PLEKHA5: variants seen among roughly 807,000 people sequenced by gnomAD.
PLEKHA5 encodes the protein pleckstrin homology domain containing A5, also known as pleckstrin homology domain-containing family A member 5.
Under a neutral mutation model 181.9 loss-of-function variants are expected in PLEKHA5, and 55 were observed. The observed-to-expected ratio is 0.30, with a 90% CI of 0.24 to 0.38. The LOEUF is 0.38. Among genes scored for constraint, PLEKHA5 ranks in the 10% least tolerant of loss-of-function variants. The pLI, the probability that PLEKHA5 is intolerant of heterozygous loss-of-function variation, is 1.00. For synonymous variants in PLEKHA5, 535 were observed against 529.4 expected (o/e 1.01, Z -0.15); for missense variants, 1,432 against 1,549.5 (o/e 0.92, Z 1.27).
chr12:19,372,328 T>C (rs1005700688), intron 31 of PLEKHA5: 1 of 152,168 alleles, frequency 6.6e-6, no homozygotes, highest in Non-Finnish European at 1.5e-5. Flanking sequence ...AGGCATCTCA[T>C]TGTTGTGTAC....
intron 15 of PLEKHA5, among the ~76,000 whole-genome samples, chr12:19,305,512 G>A (rs1471555710): frequency 1.4e-5 from 2 of 146,070 alleles, no homozygotes; most frequent in Non-Finnish European, 3.0e-5. Flanking sequence ...AGTGAGCCAA[G>A]ATGGCACTGC....
intron 3 of PLEKHA5, among the ~76,000 whole-genome samples, chr12:19,225,998 T>C (rs1431043908): frequency 6.6e-6 from 1 of 152,210 alleles, no homozygotes; most frequent in Admixed American, 6.5e-5. Flanking sequence ...TAATGCTACG[T>C]TAGTTATTTT....
Position 19,285,169 on chromosome 12 carries a change from C to T in PLEKHA5, c.1779+1424C>T, listed in dbSNP as rs1278506356. On this transcript the variant is annotated intron_variant, in intron 12 of 31. Transcript: ENST00000429027. ...TCCATCGTAACAAAGTTCAGTGTTT[C>T]CTCACTTTTTCCAAAGACTAAATCA... 3.3e-5 allele frequency among the ~76,000 whole-genome samples: 5 copies of T among 152,232 alleles called. No individual in the cohort carries two copies. The South Asian group carries it at 8.3e-4, about 25-fold the overall frequency.
rs200252155 is a variant in PLEKHA5 at position 19,293,198 on chromosome 12, A to C, written c.2037+1501A>C. 1.3e-4 allele frequency among the ~76,000 whole-genome samples: 20 copies of C among 152,330 alleles called. No individual in the cohort carries two copies. The East Asian group carries it at 3.7e-3, about 28-fold the overall frequency. On this transcript the variant is annotated intron_variant, in intron 15 of 31. Coordinates refer to ENST00000429027, the MANE Select transcript of PLEKHA5 (RefSeq NM_001256470.2). Reference sequence around the variant, plus strand: ...TATTTATATTTGCCTGTTTGAAACAAAACAGTAATGTGCTACTTTAAATTA... The same window carrying C: ...TATTTATATTTGCCTGTTTGAAACACAACAGTAATGTGCTACTTTAAATTA...
intron 3 of PLEKHA5, chr12:19,147,062 G>A (rs964045266): frequency 6.6e-6 from 1 of 152,112 alleles, no homozygotes; most frequent in Non-Finnish European, 1.5e-5. Flanking sequence ...TGCCATTGGG[G>A]TTCTAAGAGA....
intron 3 of PLEKHA5, among the ~76,000 whole-genome samples, chr12:19,134,081 T>A (rs1259755094): frequency 6.6e-6 from 1 of 152,068 alleles, no homozygotes; most frequent in Non-Finnish European, 1.5e-5. Flanking sequence ...TTTGCGTGCA[T>A]TCTTGGATGA....
intron 3 of PLEKHA5, chr12:19,176,163 T>A (rs185083546): frequency 6.6e-6 from 1 of 151,020 alleles, no homozygotes; most frequent in Admixed American, 6.6e-5. Flanking sequence ...TTGGAGGGAG[T>A]TCTCCAGACA....
chr12:19,325,477 CAGG>C (rs1481142129), intron 20 of PLEKHA5, among the ~76,000 whole-genome samples: 2 of 151,090 alleles, frequency 1.3e-5, no homozygotes, highest in Non-Finnish European at 2.9e-5. Flanking sequence ...ATCACAAGGT[CAGG>C]AGTTCGAGAC....
chr12:19,203,970 G>A lies in PLEKHA5; in HGVS notation c.228-49970G>A, dbSNP rs1026177098. Among the ~76,000 whole-genome samples, 8 of 152,086 alleles carry A rather than the reference G, an allele frequency of 5.3e-5. No individual in the cohort carries two copies. The South Asian group carries it at 1.5e-3, about 28-fold the overall frequency. On this transcript the variant is annotated intron_variant, in intron 3 of 31. Transcript: ENST00000429027. ...GAACTACCGCACCCCCATACATACA[G>A]TACTTAGAGACACAAAACATATGCG...
At chr12:19,291,618 C>T (rs753706628) in intron 14 of PLEKHA5, 26 bp from the exon 15 acceptor site, 70 of 1,411,212 alleles carry the variant, frequency 5.0e-5, no homozygotes, top group Admixed American at 6.3e-5. Flanking sequence ...TTCTCTGTCC[C>T]TTTTTTCTTA....
At chr12:19,193,046 A>G (rs543407409) in intron 3 of PLEKHA5, among the ~76,000 whole-genome samples, 34 of 152,302 alleles carry the variant, frequency 2.2e-4, no homozygotes, top group African/African-American at 7.5e-4. Context: ...AATATTTACT[A>G]TCTGGTCCTG....
intron 21 of PLEKHA5, among the ~76,000 whole-genome samples, chr12:19,340,846 A>C (rs904969342): frequency 2.7e-5 from 4 of 150,478 alleles, no homozygotes; most frequent in African/African-American, 9.8e-5. Context: ...GCCTAGGAAA[A>C]CCAGAGACCT....
intron 29 of PLEKHA5, among the ~76,000 whole-genome samples, 195 bp from the exon 30 acceptor site, chr12:19,365,769 A>C (rs1048665121): frequency 6.6e-6 from 1 of 152,206 alleles, no homozygotes; most frequent in African/African-American, 2.4e-5. Context: ...CAAACCAAGT[A>C]ATTATTGAAA....
rs141596937 is a variant in PLEKHA5 at position 19,298,959 on chromosome 12, A to G, written c.2037+7262A>G. ...TGAGGCCGAGTCTCCTCTACAGGCT[A>G]TGGCTGGGACAGCCTGACACCAGTC... On this transcript the variant is annotated intron_variant, in intron 15 of 31. Transcript: ENST00000429027. Among the ~76,000 whole-genome samples, 995 of 152,340 alleles carry G rather than the reference A, an allele frequency of 6.5e-3. 7 individuals carry two copies. The highest frequency in any genetic ancestry group is 0.011 in the Non-Finnish European group (727 of 68,034).
intron 20 of PLEKHA5, among the ~76,000 whole-genome samples, chr12:19,328,558 AGTGTGTGTGTGTGTGTGTGTGT>A: frequency 7.1e-6 from 1 of 141,798 alleles, no homozygotes; most frequent in South Asian, 2.4e-4. Context: ...CTTTCCTAGG[AGTGTGTGTGTGTGTGTGTGTGT>A]GTGTGTGTGT....
intron 21 of PLEKHA5, 74 bp downstream of exon 21, chr12:19,336,690 T>G (rs2093451346): frequency 2.5e-6 from 2 of 787,854 alleles, no homozygotes; most frequent in African/African-American, 3.5e-5. Flanking sequence ...TTGTTAGATT[T>G]ACGCATACCC....
At chr12:19,309,263 T>C (rs2085440732) in intron 15 of PLEKHA5, among the ~76,000 whole-genome samples, 1 of 152,078 alleles carries the variant, frequency 6.6e-6, no homozygotes, top group Non-Finnish European at 1.5e-5. Context: ...TAGAGTTGTA[T>C]AGTTTTTCAT....
At chr12:19,273,367 T>A (rs538124693) in intron 10 of PLEKHA5, among the ~76,000 whole-genome samples, 95 of 152,246 alleles carry the variant, frequency 6.2e-4, no homozygotes, top group Non-Finnish European at 9.8e-4. Flanking sequence ...CTTTTTTTTT[T>A]AATTTTTTTT....
At chr12:19,271,796 G>C (rs560597168) in intron 10 of PLEKHA5, among the ~76,000 whole-genome samples, 1 of 152,094 alleles carries the variant, frequency 6.6e-6, no homozygotes, top group Non-Finnish European at 1.5e-5. Context: ...GTTTTCAGCC[G>C]TCTTTGTTAG....
Sources: gnomAD v4.1 joint callset for allele counts (sites outside exome capture counted in the v4.1 genomes callset) on GRCh38, gnomAD v4.1.1 for gene constraint, MANE v1.5 for transcripts, NCBI Gene and HGNC (gene_info 2026-07-23, HGNC 2026-07-21) for gene names.